The following ATP11C variants were observed in gnomAD, a reference collection of about 807,000 sequenced individuals.
ATP11C encodes phospholipid-transporting ATPase IG.
A neutral mutation model predicts 97.4 loss-of-function variants in ATP11C; 36 were observed. The observed-to-expected ratio is 0.37, with a 90% confidence interval of 0.28 to 0.49. The LOEUF (loss-of-function observed/expected upper bound fraction) is 0.49, where lower values mean the gene tolerates loss of function less well. ATP11C is among the 20% of genes least tolerant of loss of function. The pLI, the probability that ATP11C is intolerant of heterozygous loss-of-function variation, is 0.98. For missense variants in ATP11C, 730 were observed against 824.6 expected (o/e 0.89, Z 1.40); for synonymous variants, 275 against 290.9 (o/e 0.95, Z 0.56).
intron 12 of ATP11C, among the ~76,000 whole-genome samples, chrX:139,791,242 T>G (rs1415077040): frequency 9.0e-6 from 1 of 111,444 alleles, no homozygotes; most frequent in Non-Finnish European, 1.9e-5. Context: ...ATCATTTAGA[T>G]TCTTCCAGTT....
chrX:139,743,424 T>A, intron 26 of ATP11C, 135 bp downstream of exon 26: 1 of 390,806 alleles, frequency 2.6e-6, no homozygotes. Context: ...CACATTTTAG[T>A]AAGTATTAAG....
upstream of ATP11C, among the ~76,000 whole-genome samples, chrX:139,935,991 G>A (rs998021514): frequency 3.7e-5 from 4 of 106,900 alleles, no homozygotes; most frequent in East Asian, 2.9e-4. Flanking sequence ...GCGAGACTCC[G>A]TCTCAAAAAA....
chrX:139,819,497 T>C (rs1022030564), intron 2 of ATP11C, 70 bp from the exon 3 acceptor site: 1 of 413,886 alleles, frequency 2.4e-6, no homozygotes, highest in Non-Finnish European at 4.1e-6. Flanking sequence ...TAATGACTGA[T>C]TATGGGTCCA....
chrX:139,807,231 G>A (rs1377715354), intron 5 of ATP11C, among the ~76,000 whole-genome samples: 1 of 111,101 alleles, frequency 9.0e-6, no homozygotes, highest in Non-Finnish European at 1.9e-5. Flanking sequence ...TCTGGGACTC[G>A]GGAATATAGG....
At chrX:139,870,772 C>T (rs1268525314) in intron 1 of ATP11C, among the ~76,000 whole-genome samples, 2 of 112,176 alleles carry the variant, frequency 1.8e-5, no homozygotes, top group East Asian at 2.8e-4. Flanking sequence ...AAAAGATACA[C>T]GCGGCCAGGC....
chrX:139,750,881 T>C (rs1299257473), intron 23 of ATP11C, among the ~76,000 whole-genome samples: 1 of 111,827 alleles, frequency 8.9e-6, no homozygotes, highest in Non-Finnish European at 1.9e-5. Context: ...TCTTCCTTTA[T>C]TGAAAAAATT....
At chrX:139,738,219 A>G (rs1377801396) in intron 27 of ATP11C, 150 bp from the exon 28 acceptor site, 1 of 399,255 alleles carries the variant, frequency 2.5e-6, no homozygotes, top group Non-Finnish European at 3.9e-6. Context: ...CCAAAGTAAT[A>G]AACAAATTTC....
chrX:139,780,339 A>G (rs1201755520), intron 18 of ATP11C, among the ~76,000 whole-genome samples: 1 of 111,892 alleles, frequency 8.9e-6, no homozygotes, highest in African/African-American at 3.2e-5. Flanking sequence ...GCACATCAGA[A>G]AGATAACTCA....
intron 1 of ATP11C, among the ~76,000 whole-genome samples, chrX:139,834,440 C>T (rs935319852): frequency 1.6e-4 from 18 of 111,540 alleles, no homozygotes; most frequent in African/African-American, 5.5e-4. Flanking sequence ...TCATCTCTTC[C>T]CTCTCCCCAA....
chrX:139,777,409 G>C (rs889501226), intron 18 of ATP11C, among the ~76,000 whole-genome samples: 7 of 108,530 alleles, frequency 6.4e-5, no homozygotes, highest in Non-Finnish European at 5.7e-5. Context: ...CAATAGACTA[G>C]ACCAAGCAGA....
intron 19 of ATP11C, among the ~76,000 whole-genome samples, chrX:139,768,730 A>G (rs926830714): frequency 5.4e-5 from 6 of 110,294 alleles, no homozygotes; most frequent in African/African-American, 2.0e-4. Flanking sequence ...GTGATGCTGT[A>G]AAGGTATTTT....
chrX:139,868,200 A>G (rs1236221508), intron 1 of ATP11C, among the ~76,000 whole-genome samples: 1 of 111,684 alleles, frequency 9.0e-6, no homozygotes, highest in Non-Finnish European at 1.9e-5. Context: ...AAACTCCTAT[A>G]AGAAAACATA....
intron 1 of ATP11C, among the ~76,000 whole-genome samples, chrX:139,861,662 G>C (rs1295902516): frequency 9.1e-6 from 1 of 110,430 alleles, no homozygotes; most frequent in Non-Finnish European, 1.9e-5. Flanking sequence ...GCCAAAATTT[G>C]TATCTCAATG....
chrX:139,737,400 A>G (rs1360328819), intron 28 of ATP11C, among the ~76,000 whole-genome samples: 3 of 111,266 alleles, frequency 2.7e-5, no homozygotes, highest in East Asian at 5.7e-4. Context: ...TGTCAAAACC[A>G]CATCCAGGGA....
At chrX:139,934,537 G>C (rs888680420), upstream of ATP11C, among the ~76,000 whole-genome samples, 3 of 105,791 alleles carry the variant, frequency 2.8e-5, no homozygotes, top group South Asian at 1.2e-3. Context: ...TTATTTTCTA[G>C]CTTTCTAGCT....
chrX:139,793,455 T>TA (rs2082733922), intron 12 of ATP11C, among the ~76,000 whole-genome samples: 1 of 111,537 alleles, frequency 9.0e-6, no homozygotes, highest in Non-Finnish European at 1.9e-5. Context: ...TTTCTTTTCC[T>TA]ATCTCTTAGT....
At chrX:139,929,835 AGAG>A (rs1256127281) in intron 1 of ATP11C, among the ~76,000 whole-genome samples, 2 of 111,933 alleles carry the variant, frequency 1.8e-5, no homozygotes, top group African/African-American at 6.5e-5. Context: ...GTCAGGCAAA[AGAG>A]GAGAACAGCG....
intron 18 of ATP11C, among the ~76,000 whole-genome samples, chrX:139,780,072 A>G (rs2148711442): frequency 9.0e-6 from 1 of 111,702 alleles, no homozygotes; most frequent in East Asian, 2.8e-4. Context: ...ACTAATCAAA[A>G]AAACCCAGGA....
chrX:139,794,236 T>C lies in ATP11C; in HGVS notation c.1206+2037A>G, dbSNP rs773209072. On this transcript the variant is annotated intron_variant, in intron 12 of 29. Transcript: ENST00000682941. Reference sequence around the variant, plus strand: ...ATTCTTAATCCCAGTGTGGGTCACATTAAAAGAGGTTAAGCAAATGCTTGC... The same window carrying C: ...ATTCTTAATCCCAGTGTGGGTCACACTAAAAGAGGTTAAGCAAATGCTTGC... 3.6e-4 allele frequency among the ~76,000 whole-genome samples: 40 copies of C among 112,388 alleles called. 1 individual carries two copies. The Admixed American group carries it at 3.6e-3, about 10-fold the overall frequency.
Sources: allele counts gnomAD v4.1 joint callset (sites outside exome capture counted in the v4.1 genomes callset), GRCh38; gene constraint gnomAD v4.1.1; transcripts MANE v1.5; gene names NCBI Gene and HGNC (gene_info 2026-07-23, HGNC 2026-07-21).